The following XPO7 variants were observed in gnomAD, a reference collection of about 807,000 sequenced individuals.
XPO7 encodes exportin-7.
XPO7 carries 21 observed loss-of-function variants against 144.3 expected under a neutral mutation model. The observed-to-expected ratio is 0.15, with a 90% CI of 0.10 to 0.21. XPO7 has a LOEUF of 0.21. Among genes scored for constraint, XPO7 ranks in the 10% least tolerant of loss-of-function variants. The probability of loss-of-function intolerance (pLI) is 1.00; values close to 1 mark genes in which losing one functional copy is unlikely to be tolerated. For missense variants in XPO7, 808 were observed against 1,325.8 expected, an observed-to-expected ratio of 0.61 and a Z score of 6.06; for synonymous variants, 580 against 499.6, an observed-to-expected ratio of 1.16 and a Z score of -2.15.
chr8:21,941,547 T>G (rs1314127860), intron 1 of XPO7, among the ~76,000 whole-genome samples: 1 of 152,204 alleles, frequency 6.6e-6, no homozygotes, highest in Non-Finnish European at 1.5e-5. Context: ...TCGGGAATAA[T>G]GACAAGAAAA....
Position 21,969,435 on chromosome 8 carries a change from T to G in XPO7, c.166-48T>G, listed in dbSNP as rs143420417. ...ATCTCCAAGTTAAAAACCTTGTGACTGGCTTACTCAATACAATTTTAAGTC... is the reference window on the plus strand; with the variant it reads ...ATCTCCAAGTTAAAAACCTTGTGACGGGCTTACTCAATACAATTTTAAGTC... On this transcript the variant is annotated intron_variant, in intron 2 of 27. Coordinates refer to ENST00000252512, the MANE Select transcript of XPO7 (RefSeq NM_015024.5). The G allele has an allele frequency of 7.3e-5, 110 of 1,499,854 alleles. No homozygotes were observed. The Admixed American group carries it at 2.0e-3, about 27-fold the overall frequency. The allele number at this position is 1,499,854 out of a possible 1,614,324, so 92.9% of individuals were successfully genotyped here. A position where few individuals can be genotyped will look rare whatever the true frequency, so the allele number is the denominator to read the frequency against.
At chr8:21,943,557 A>G (rs968800467) in intron 1 of XPO7, among the ~76,000 whole-genome samples, 1 of 152,230 alleles carries the variant, frequency 6.6e-6, no homozygotes, top group Non-Finnish European at 1.5e-5. Flanking sequence ...TGATAGTATT[A>G]AAGGGTGAGT....
chr8:21,975,233 GT>G (rs1352967162), intron 6 of XPO7, among the ~76,000 whole-genome samples: 1 of 152,238 alleles, frequency 6.6e-6, no homozygotes, highest in African/African-American at 2.4e-5. Flanking sequence ...CCCCCGCTGA[GT>G]TAAAAGCAGC....
chr8:21,999,327 C>T, intron 23 of XPO7, 22 bp downstream of exon 23: 4 of 1,611,358 alleles, frequency 2.5e-6, no homozygotes, highest in Non-Finnish European at 3.4e-6. Context: ...GCTGCATTGC[C>T]ACAATCTTGT....
intron 1 of XPO7, among the ~76,000 whole-genome samples, chr8:21,924,128 C>G (rs1282621386): frequency 2.0e-5 from 3 of 152,162 alleles, no homozygotes; most frequent in Admixed American, 1.3e-4. Context: ...CGGGCCTGGT[C>G]AGGCCTCAGT....
chr8:21,968,209 C>G (rs1373287251), intron 2 of XPO7, among the ~76,000 whole-genome samples: 2 of 152,100 alleles, frequency 1.3e-5, no homozygotes, highest in Non-Finnish European at 2.9e-5. Flanking sequence ...ATTGCTTAAT[C>G]AAAATTTGCT....
chr8:21,945,732 A>C (rs184332764), intron 1 of XPO7, among the ~76,000 whole-genome samples: 1 of 152,254 alleles, frequency 6.6e-6, no homozygotes. Context: ...TGGCAAACCA[A>C]TTATTCTGAA....
At chr8:21,998,947 C>T (rs985940690) in intron 22 of XPO7, 110 bp downstream of exon 22, 42 of 1,453,962 alleles carry the variant, frequency 2.9e-5, no homozygotes, top group African/African-American at 1.3e-4. Context: ...GGACAGCATT[C>T]GTATTGTATG....
intron 1 of XPO7, among the ~76,000 whole-genome samples, chr8:21,955,194 T>C (rs1363082550): frequency 6.6e-6 from 1 of 151,124 alleles, no homozygotes; most frequent in Admixed American, 6.6e-5. Flanking sequence ...TGTTTTGGTC[T>C]TTTAATATTG....
intron 1 of XPO7, among the ~76,000 whole-genome samples, chr8:21,959,002 G>A (rs888022471): frequency 1.3e-5 from 2 of 151,092 alleles, no homozygotes; most frequent in East Asian, 3.9e-4. Context: ...GCAGTGTTGA[G>A]CCTCAGCTGG....
intron 17 of XPO7, 62 bp downstream of exon 17, chr8:21,990,469 CAT>C: frequency 2.5e-6 from 4 of 1,573,782 alleles, no homozygotes; most frequent in Non-Finnish European, 3.5e-6. Context: ...TTTCTCGACA[CAT>C]AAAGGAGATA....
Position 21,970,238 on chromosome 8 carries a change from G to A in XPO7, c.354G>A (p.Leu118=), listed in dbSNP as rs1306766600. The A allele has an allele frequency of 6.2e-7, 1 of 1,613,556 alleles. No individual in the cohort carries two copies. Among genetic ancestry groups the A allele is most frequent in the Non-Finnish European group, 8.5e-7 (1 of 1,179,784 alleles). The change falls in exon 4 of 28, where the codon CTG becomes CTA. Residue 118 remains leucine, a synonymous_variant. Coordinates refer to ENST00000252512, the MANE Select transcript of XPO7 (RefSeq NM_015024.5). ...AGTTATATGCCAGAATCACAAAACTGGGCTGGTTTGACTGTCAGAAGGATG... is the reference window on the plus strand; with the variant it reads ...AGTTATATGCCAGAATCACAAAACTAGGCTGGTTTGACTGTCAGAAGGATG... The part of the protein sequence containing the change: ...LIQLYARITK[L]GWFDCQKDDY...
rs1341311613 is a variant in XPO7 at position 21,980,192 on chromosome 8, GA to G, written c.950del (p.Asn317ThrfsTer21). The G allele has an allele frequency of 6.3e-7, 1 of 1,593,342 alleles. No homozygotes were observed. ...TGTTGATGGTGTTAAACGAATACTG[GA>G]AAACCCACAGGTAAGTTTATCTGAG... ...HLVDGVKRIL[E>X]NPQSLSDPNN... On this transcript the variant is annotated frameshift_variant, in exon 9 of 28. Coordinates refer to ENST00000252512, the MANE Select transcript of XPO7 (RefSeq NM_015024.5). LOFTEE classifies it high-confidence loss of function.
intron 1 of XPO7, among the ~76,000 whole-genome samples, chr8:21,957,228 C>T (rs17615788): frequency 0.36 from 54,372 of 151,548 alleles, 10,280 homozygotes; most frequent in Non-Finnish European, 0.42. Context: ...TACAGGGTGC[C>T]CATAGCTTCA....
chr8:21,991,915 G>T lies in XPO7; in HGVS notation c.2089G>T (p.Ala697Ser). Residue 697 changes from alanine (A) to serine (S), a missense_variant, in exon 19 of 28, where the codon GCA becomes TCA. By Grantham distance (99) the Ala-to-Ser change is moderately conservative (BLOSUM62 1). Coordinates refer to ENST00000252512, the MANE Select transcript of XPO7 (RefSeq NM_015024.5). ...YEQFMLPLTA[A>S]FEAVAQMFST... is the part of the protein sequence containing the mutation. ...GCAGTTCATGCTGCCACTCACAGCAGCATTTGAGGCTGTGGCCCAGATGTT... is the reference window on the plus strand; with the variant it reads ...GCAGTTCATGCTGCCACTCACAGCATCATTTGAGGCTGTGGCCCAGATGTT... 1 of 1,613,656 alleles carries T rather than the reference G, an allele frequency of 6.2e-7. No individual in the cohort carries two copies. Among genetic ancestry groups the T allele is most frequent in the Non-Finnish European group, 8.5e-7 (1 of 1,179,818 alleles).
At chr8:21,989,883 T>C (rs1812709099) in intron 16 of XPO7, among the ~76,000 whole-genome samples, 2 of 134,032 alleles carry the variant, frequency 1.5e-5, no homozygotes, top group Non-Finnish European at 3.1e-5. Context: ...GGAGTCTTGC[T>C]CTGTTGCCCA....
In XPO7 at chr8:21,991,885, T is replaced by C. The variant is rs1812783424; in HGVS notation, c.2059T>C (p.Tyr687His). The C allele has an allele frequency of 1.2e-6, 2 of 1,612,834 alleles. No individual in the cohort carries two copies. The highest frequency in any genetic ancestry group is 2.7e-5 in the African/African-American group (2 of 75,022). Residue 687 changes from tyrosine to histidine, a missense_variant, in exon 19 of 28, where the codon TAT becomes CAT. By Grantham distance (83) the Tyr-to-His change is moderately conservative. This residue lies in a region of XPO7 where 416 missense variants were observed against 612.5 expected (regional missense o/e 0.68). Transcript: ENST00000252512. ...CTTTACAGGAGAGGATGAAGATCAG[T>C]ATGAGCAGTTCATGCTGCCACTCAC... is the stretch of plus-strand genomic sequence containing the variant. Reference protein sequence around the residue: ...MVDLGEDEDQYEQFMLPLTAA... With the variant: ...MVDLGEDEDQHEQFMLPLTAA...
intron 1 of XPO7, among the ~76,000 whole-genome samples, chr8:21,950,511 T>C (rs1316814523): frequency 1.3e-5 from 2 of 152,206 alleles, no homozygotes; most frequent in Non-Finnish European, 1.5e-5. Flanking sequence ...ATGTCTGTTT[T>C]GGGGAACATT....
chr8:21,926,495 A>G (rs1011559368), intron 1 of XPO7, among the ~76,000 whole-genome samples: 5 of 152,282 alleles, frequency 3.3e-5, no homozygotes, highest in African/African-American at 1.2e-4. Context: ...TCTATTTAAA[A>G]TTGTTTGCAA....
Sources: gnomAD v4.1 joint callset for allele counts (sites outside exome capture counted in the v4.1 genomes callset) on GRCh38, gnomAD v4.1.1 for gene constraint, gnomAD v4.1.1 regional missense constraint, MANE v1.5 for transcripts, NCBI Gene and HGNC (gene_info 2026-07-23, HGNC 2026-07-21) for gene names.